The following COL4A4 variants were observed in gnomAD, a reference collection of about 807,000 sequenced individuals.
The protein encoded by COL4A4 is collagen alpha-4(IV) chain.
In COL4A4, 105 loss-of-function variants were observed where a neutral mutation model predicts 192.9. The observed-to-expected ratio is 0.54, with a 90% CI of 0.46 to 0.64. The LOEUF (loss-of-function observed/expected upper bound fraction) is 0.64. Among genes scored for constraint, COL4A4 ranks in the 30% least tolerant of loss-of-function variants. COL4A4 has a pLI of 0.00. For missense variants in COL4A4, 1,967 were observed against 2,169.3 expected, an observed-to-expected ratio of 0.91 and a Z score of 1.85; for synonymous variants, 762 against 769.9, an observed-to-expected ratio of 0.99 and a Z score of 0.17.
At chr2:226,977,169 C>CA in the COL4A4 span, among the ~76,000 whole-genome samples, 1 of 152,204 alleles carries the variant, frequency 6.6e-6, no homozygotes, top group Non-Finnish European at 1.5e-5. Flanking sequence ...CCAGAGAAGT[C>CA]AAGGAGCATC....
chr2:227,049,268 C>A (rs1382832804), intron 34 of COL4A4, among the ~76,000 whole-genome samples: 1 of 152,180 alleles, frequency 6.6e-6, no homozygotes, highest in Non-Finnish European at 1.5e-5. Context: ...GTTAATGAAG[C>A]CTCTCTTTCA....
intron 22 of COL4A4, among the ~76,000 whole-genome samples, chr2:227,088,334 G>A (rs946478075): frequency 1.3e-5 from 2 of 152,112 alleles, no homozygotes; most frequent in African/African-American, 4.8e-5. Context: ...CTGGTAGAAG[G>A]TGACTGGATC....
At chr2:227,147,356 C>A (rs760056684) in intron 2 of COL4A4, 57 bp downstream of exon 2, 7 of 1,517,422 alleles carry the variant, frequency 4.6e-6, no homozygotes, top group Non-Finnish European at 6.4e-6. Context: ...ATCCATAGAA[C>A]AAACATTGAG....
the COL4A4 span, among the ~76,000 whole-genome samples, chr2:226,978,468 C>T: frequency 2.0e-5 from 3 of 152,068 alleles, no homozygotes; most frequent in Admixed American, 1.3e-4. Context: ...TGGACCATAC[C>T]GTTTTCTGGT....
the COL4A4 span, chr2:226,988,516 A>G: frequency 6.6e-7 from 1 of 1,517,242 alleles, no homozygotes; most frequent in Non-Finnish European, 8.8e-7. Context: ...CGAGGTGGAT[A>G]GCAGCTGCCC....
intron 25 of COL4A4, among the ~76,000 whole-genome samples, chr2:227,066,099 G>A (rs2058321864): frequency 6.6e-6 from 1 of 152,234 alleles, no homozygotes; most frequent in Admixed American, 6.5e-5. Flanking sequence ...AGGAGCCGAT[G>A]CGATCAACTG....
chr2:227,078,302 G>A (rs1226066218), intron 24 of COL4A4, among the ~76,000 whole-genome samples: 2 of 152,104 alleles, frequency 1.3e-5, no homozygotes, highest in Non-Finnish European at 2.9e-5. Flanking sequence ...GTGTGCAGTG[G>A]TGCTATCTCG....
At chr2:227,074,035 C>G (rs2058876461) in intron 25 of COL4A4, among the ~76,000 whole-genome samples, 1 of 151,704 alleles carries the variant, frequency 6.6e-6, no homozygotes, top group South Asian at 2.1e-4. Flanking sequence ...GCAACAAAAA[C>G]TAAATACATA....
At chr2:227,047,676 C>G (rs1973169650) in intron 34 of COL4A4, 127 bp from the exon 35 acceptor site, 1 of 634,910 alleles carries the variant, frequency 1.6e-6, no homozygotes, top group African/African-American at 1.9e-5. Context: ...TTTTTAAATA[C>G]TTTTATTCTA....
the COL4A4 span, among the ~76,000 whole-genome samples, chr2:226,967,709 G>A: frequency 6.6e-6 from 1 of 152,006 alleles, no homozygotes; most frequent in Non-Finnish European, 1.5e-5. Context: ...GTGGAAAGAA[G>A]GTAATTCTTA....
intron 44 of COL4A4, among the ~76,000 whole-genome samples, chr2:227,017,347 T>C (rs954280192): frequency 4.6e-5 from 7 of 152,238 alleles, no homozygotes; most frequent in Non-Finnish European, 8.8e-5. Context: ...CTGAGCTCTA[T>C]GTTCAGAGCT....
At chr2:227,144,407 G>C in intron 3 of COL4A4, 109 bp downstream of exon 3, 1 of 902,784 alleles carries the variant, frequency 1.1e-6, no homozygotes, top group Non-Finnish European at 1.8e-6. Flanking sequence ...CCATTTTACA[G>C]GTAAGAAAAT....
At chr2:227,107,756 CTTTTTTTTTT>C (rs71036157) in intron 12 of COL4A4, among the ~76,000 whole-genome samples, 4 of 109,206 alleles carry the variant, frequency 3.7e-5, no homozygotes, top group African/African-American at 1.1e-4. Flanking sequence ...AATCACTTTT[CTTTTTTTTTT>C]TTTTTTTTTT....
chr2:227,101,227 C>T (rs1218771849), intron 17 of COL4A4, among the ~76,000 whole-genome samples: 1 of 152,136 alleles, frequency 6.6e-6, no homozygotes, highest in Non-Finnish European at 1.5e-5. Flanking sequence ...ACGTGACTTG[C>T]TCCTTCTTGC....
At chr2:227,019,040 T>G (rs897669706) in intron 44 of COL4A4, among the ~76,000 whole-genome samples, 1 of 152,234 alleles carries the variant, frequency 6.6e-6, no homozygotes, top group Non-Finnish European at 1.5e-5. Context: ...CCACAGTGGG[T>G]GACCCCAACC....
intron 44 of COL4A4, among the ~76,000 whole-genome samples, chr2:227,016,677 G>A (rs932681558): frequency 6.6e-6 from 1 of 152,106 alleles, no homozygotes; most frequent in Admixed American, 6.6e-5. Flanking sequence ...CTGCCTGAGA[G>A]TGTCCCCTTC....
At chr2:226,995,765 A>G in the COL4A4 span, 13 of 493,108 alleles carry the variant, frequency 2.6e-5, no homozygotes, top group Non-Finnish European at 4.3e-5. Flanking sequence ...CCATGAAGAG[A>G]CCAGTTTCCA....
chr2:227,129,414 T>G (rs2062286344), intron 4 of COL4A4, among the ~76,000 whole-genome samples: 1 of 150,224 alleles, frequency 6.7e-6, no homozygotes, highest in Non-Finnish European at 1.5e-5. Flanking sequence ...TAGTATACTT[T>G]TTTTTTTTTT....
At chr2:227,015,795 C>T (rs12475134) in intron 44 of COL4A4, among the ~76,000 whole-genome samples, 107,809 of 152,078 alleles carry the variant, frequency 0.71, 39,326 homozygotes, top group African/African-American at 0.89. Flanking sequence ...GGAAAATACG[C>T]AATGACATAG....
Sources: gnomAD v4.1 joint callset for allele counts (sites outside exome capture counted in the v4.1 genomes callset) on GRCh38, gnomAD v4.1.1 for gene constraint, MANE v1.5 for transcripts, NCBI Gene and HGNC (gene_info 2026-07-23, HGNC 2026-07-21) for gene names.